The following ACKR3 variants were observed in gnomAD, a reference collection of about 807,000 sequenced individuals.
ACKR3 encodes C-X-C chemokine receptor type 7.
Under a neutral mutation model 22.4 loss-of-function variants are expected in ACKR3, and 6 were observed. The ratio of observed to expected loss-of-function variants is 0.27; its 90% CI spans 0.15 to 0.53. The LOEUF is 0.53. ACKR3 is among the 20% of genes least tolerant of loss of function. ACKR3 has a pLI of 0.96. For synonymous variants in ACKR3, 209 were observed against 205.2 expected (o/e 1.02, Z -0.16); for missense variants, 396 against 475.2 (o/e 0.83, Z 1.55).
At chr2:236,571,711 C>T (rs60451678) in intron 1 of ACKR3, among the ~76,000 whole-genome samples, 5,034 of 151,448 alleles carry the variant, frequency 0.033, 249 homozygotes, top group African/African-American at 0.11. Context: ...GGCGAGAGCT[C>T]CTGTTTTCAA....
At chr2:236,563,647 G>T (rs1338596012), upstream of ACKR3, among the ~76,000 whole-genome samples, 2 of 152,174 alleles carry the variant, frequency 1.3e-5, no homozygotes, top group African/African-American at 4.8e-5. Context: ...TAATTAGAGA[G>T]CACTCCTCCA....
At position 236,574,147 on chromosome 2, in the gene ACKR3, C is replaced by T. The variant is rs185719534; in HGVS notation, c.-27+4223C>T. ...AGATGTTTCTGATTTGTTGTCCTCACGTGCCCCAGAGCAGTGCCTCCTGGA... is the reference window on the plus strand; with the variant it reads ...AGATGTTTCTGATTTGTTGTCCTCATGTGCCCCAGAGCAGTGCCTCCTGGA... On this transcript the variant is annotated intron_variant, in intron 1 of 1. Coordinates refer to ENST00000272928, the MANE Select transcript of ACKR3 (RefSeq NM_020311.3). The surrounding 1 kb of genome is among the most constrained non-coding windows in gnomAD (Gnocchi z 5.6). Among the ~76,000 whole-genome samples the T allele has an allele frequency of 3.3e-5, 5 of 152,142 alleles. No individual in the cohort carries two copies. The highest frequency in any genetic ancestry group is 3.3e-4 in the Admixed American group (5 of 15,286).
upstream of ACKR3, among the ~76,000 whole-genome samples, chr2:236,564,075 C>T (rs559330952): frequency 1.3e-5 from 2 of 152,346 alleles, no homozygotes; most frequent in Non-Finnish European, 2.9e-5. Context: ...CCTTTCCATG[C>T]CCCTGCGACA....
At chr2:236,545,355 T>G in the ACKR3 span, among the ~76,000 whole-genome samples, 1 of 152,288 alleles carries the variant, frequency 6.6e-6, no homozygotes, top group African/African-American at 2.4e-5. The surrounding 1 kb of genome is among the most constrained non-coding windows in gnomAD (Gnocchi z 5.3). Context: ...TCACCCTGCC[T>G]AAGAAGACAA....
intron 1 of ACKR3, among the ~76,000 whole-genome samples, chr2:236,578,164 A>G (rs1691451625): frequency 6.6e-6 from 1 of 152,230 alleles, no homozygotes; most frequent in Non-Finnish European, 1.5e-5. Flanking sequence ...GGCCAAGGAA[A>G]GATGGCGATA....
In ACKR3 at chr2:236,581,237, G is replaced by T. The variant is rs200582844; in HGVS notation, c.772G>T (p.Val258Leu). The T allele has an allele frequency of 8.1e-6, 13 of 1,614,028 alleles. No homozygotes were observed. Among genetic ancestry groups the T allele is most frequent in the East Asian group, 2.2e-5 (1 of 44,872 alleles). Residue 258 changes from valine (V) to leucine (L), a missense_variant, in exon 2 of 2, where the codon GTG becomes TTG. Physicochemically the swap from Val to Leu is conservative, Grantham distance 32 (BLOSUM62 1). Transcript: ENST00000272928. This position sits in a 1 kb window ranked among gnomAD's most constrained non-coding sequence, Gnocchi z 4.4. Reference sequence around the variant, plus strand: ...CAGCCGGAAGATCATCTTCTCCTACGTGGTGGTCTTCCTTGTCTGCTGGCT... The same window carrying T: ...CAGCCGGAAGATCATCTTCTCCTACTTGGTGGTCTTCCTTGTCTGCTGGCT... ...HSSRKIIFSY[V>L]VVFLVCWLPY...
At chr2:236,566,825 C>T (rs557207999), upstream of ACKR3, among the ~76,000 whole-genome samples, 2 of 148,816 alleles carry the variant, frequency 1.3e-5, no homozygotes, top group South Asian at 2.1e-4. Context: ...TTGTTCGGGT[C>T]GTCATCTCTT....
chr2:236,578,940 G>T (rs923893666), intron 1 of ACKR3, among the ~76,000 whole-genome samples: 9 of 152,220 alleles, frequency 5.9e-5, no homozygotes, highest in African/African-American at 2.2e-4. Context: ...GGGAGAAGGG[G>T]GTGACGTTTT....
At chr2:236,537,568 G>A in the ACKR3 span, among the ~76,000 whole-genome samples, 2 of 152,216 alleles carry the variant, frequency 1.3e-5, no homozygotes, top group Non-Finnish European at 2.9e-5. Context: ...TGGCATAAAT[G>A]CAAGTGGTAC....
upstream of ACKR3, among the ~76,000 whole-genome samples, chr2:236,563,889 C>T (rs547961850): frequency 2.6e-5 from 4 of 152,308 alleles, no homozygotes; most frequent in South Asian, 8.3e-4. Context: ...TGAGGGGCTG[C>T]ACCCTCCCTC....
At chr2:236,538,020 A>G in the ACKR3 span, among the ~76,000 whole-genome samples, 1 of 152,256 alleles carries the variant, frequency 6.6e-6, no homozygotes, top group African/African-American at 2.4e-5. Context: ...TCCAAAAAGA[A>G]TAGTTCTTTT....
At position 236,580,594 on chromosome 2, in the gene ACKR3, G is replaced by A. The variant is rs777705146; in HGVS notation, c.129G>A (p.Leu43=). ...CCAACATGCCCAACAAAAGCGTCCTGCTCTACACGCTCTCCTTCATTTACA... is the reference window on the plus strand; with the variant it reads ...CCAACATGCCCAACAAAAGCGTCCTACTCTACACGCTCTCCTTCATTTACA... ...MCPNMPNKSV[L]LYTLSFIYIF... The change falls in exon 2 of 2, where the codon CTG becomes CTA. Residue 43 remains leucine, a synonymous_variant. Coordinates refer to ENST00000272928, the MANE Select transcript of ACKR3 (RefSeq NM_020311.3). 1.2e-6 allele frequency: 2 copies of A among 1,613,754 alleles called. No individual in the cohort carries two copies. Among genetic ancestry groups the A allele is most frequent in the African/African-American group, 2.7e-5 (2 of 74,928 alleles).
rs147511794 is a variant in ACKR3 at position 236,572,702 on chromosome 2, G to A, written c.-27+2778G>A. 3.1e-3 allele frequency among the ~76,000 whole-genome samples: 471 copies of A among 152,310 alleles called. 2 individuals carry two copies. Among genetic ancestry groups the A allele is most frequent in the African/African-American group, 9.9e-3 (413 of 41,568 alleles). On this transcript the variant is annotated intron_variant, in intron 1 of 1. Coordinates refer to ENST00000272928, the MANE Select transcript of ACKR3 (RefSeq NM_020311.3). ...CGGCCCAGACGGCAGCCTTTGTGACGTGGGAATCTCTGGACCTGCTCTTGT... is the reference window on the plus strand; with the variant it reads ...CGGCCCAGACGGCAGCCTTTGTGACATGGGAATCTCTGGACCTGCTCTTGT...
At chr2:236,541,321 CT>C in the ACKR3 span, among the ~76,000 whole-genome samples, 1 of 152,100 alleles carries the variant, frequency 6.6e-6, no homozygotes, top group Non-Finnish European at 1.5e-5. Context: ...GAATTTCAGC[CT>C]TTTTTAAATA....
chr2:236,552,884 G>A, the ACKR3 span, among the ~76,000 whole-genome samples: 1 of 152,306 alleles, frequency 6.6e-6, no homozygotes, highest in African/African-American at 2.4e-5. Context: ...AGAGGCCTCA[G>A]GATGTGTTCA....
Position 236,580,544 on chromosome 2 carries a change from A to C in ACKR3, c.79A>C (p.Ile27Leu). 17 of 1,614,244 alleles carry C rather than the reference A, an allele frequency of 1.1e-5. No individual in the cohort carries two copies. Among genetic ancestry groups the C allele is most frequent in the Non-Finnish European group, 1.4e-5 (17 of 1,180,044 alleles). Residue 27 changes from isoleucine to leucine, a missense_variant, in exon 2 of 2, where the codon ATC becomes CTC. Coordinates refer to ENST00000272928, the MANE Select transcript of ACKR3 (RefSeq NM_020311.3). ...ISWPCNSSDCIVVDTVMCPNM... is the reference protein window; with the variant it reads ...ISWPCNSSDCLVVDTVMCPNM... The stretch of plus-strand genomic sequence containing the variant: ...CTGGCCATGCAACAGCAGCGACTGC[A>C]TCGTGGTGGACACGGTGATGTGTCC...
the ACKR3 span, among the ~76,000 whole-genome samples, chr2:236,562,389 T>C: frequency 6.6e-6 from 1 of 152,228 alleles, no homozygotes; most frequent in Non-Finnish European, 1.5e-5. Flanking sequence ...TTATGAAGGA[T>C]ATTGGTCTAT....
At chr2:236,541,576 G>A in the ACKR3 span, among the ~76,000 whole-genome samples, 1 of 152,296 alleles carries the variant, frequency 6.6e-6, no homozygotes, top group African/African-American at 2.4e-5. Flanking sequence ...GCACAGACCT[G>A]CTGCTCCGTG....
At chr2:236,576,335 A>G (rs1691411733) in intron 1 of ACKR3, among the ~76,000 whole-genome samples, 1 of 152,190 alleles carries the variant, frequency 6.6e-6, no homozygotes, top group Admixed American at 6.5e-5. Flanking sequence ...ATCTGTGCGG[A>G]ATGCAGTCAG....
Sources: gnomAD v4.1 joint callset for allele counts (sites outside exome capture counted in the v4.1 genomes callset) on GRCh38, gnomAD v4.1.1 for gene constraint, Gnocchi (gnomAD v3.1) non-coding constraint, MANE v1.5 for transcripts, NCBI Gene and HGNC (gene_info 2026-07-23, HGNC 2026-07-21) for gene names.